Variants in SLC25A13 observed in about 807,000 individuals in gnomAD.
SLC25A13 encodes solute carrier family 25 member 13.
SLC25A13 carries 70 observed loss-of-function variants against 85.5 expected under a neutral mutation model. That is an observed-to-expected ratio of 0.82 (90% CI 0.68 to 1.00). SLC25A13 has a LOEUF of 1.00. Among genes scored for constraint, SLC25A13 ranks in the 50% least tolerant of loss-of-function variants. The probability of loss-of-function intolerance (pLI) is 0.00; values close to 1 mark genes in which losing one functional copy is unlikely to be tolerated. For missense variants in SLC25A13, 765 were observed against 819.8 expected (o/e 0.93, Z 0.82); for synonymous variants, 259 against 288.7 (o/e 0.90, Z 1.04).
chr7:96,273,400 A>T (rs116732236), intron 3 of SLC25A13, among the ~76,000 whole-genome samples: 1,620 of 152,322 alleles, frequency 0.011, 35 homozygotes, highest in African/African-American at 0.037. Context: ...CTGCAAATAT[A>T]CTTGAAAGTT....
At chr7:96,223,672 C>T (rs191272356) in intron 4 of SLC25A13, among the ~76,000 whole-genome samples, 240 of 152,074 alleles carry the variant, frequency 1.6e-3, no homozygotes, top group Non-Finnish European at 2.7e-3. Flanking sequence ...CCTGTAGTCC[C>T]GGCTACCCGG....
chr7:96,120,727 A>G lies in SLC25A13; in HGVS notation c.*464T>C, dbSNP rs1302281066. On this transcript the variant is annotated 3_prime_UTR_variant, in exon 18 of 18. Coordinates refer to ENST00000265631, the MANE Select transcript of SLC25A13 (RefSeq NM_014251.3). ...TACAATTTGAAGCCAGGCTGAATATATTTGATATATATTTTTTCATTTCTC... is the reference window on the plus strand; with the variant it reads ...TACAATTTGAAGCCAGGCTGAATATGTTTGATATATATTTTTTCATTTCTC... The G allele has an allele frequency of 4.4e-6, 2 of 454,140 alleles. No homozygotes were observed. The highest frequency in any genetic ancestry group is 4.0e-5 in the African/African-American group (2 of 49,930). 28.1% of individuals were successfully genotyped at this position (454,140 alleles called of 1,614,324 possible). A position where few individuals can be genotyped will look rare whatever the true frequency, so the allele number is the denominator to read the frequency against.
chr7:96,212,209 A>AC (rs1452892679), intron 4 of SLC25A13, among the ~76,000 whole-genome samples: 2 of 151,968 alleles, frequency 1.3e-5, no homozygotes, highest in African/African-American at 4.8e-5. Flanking sequence ...CAAACACATG[A>AC]CCCTGAGGAT....
intron 13 of SLC25A13, among the ~76,000 whole-genome samples, chr7:96,148,044 G>C (rs1435029595): frequency 6.6e-6 from 1 of 151,828 alleles, no homozygotes; most frequent in Non-Finnish European, 1.5e-5. Flanking sequence ...TTAATGAAAA[G>C]AATCAAAGAA....
At chr7:96,232,144 C>A (rs539866862) in intron 4 of SLC25A13, among the ~76,000 whole-genome samples, 1 of 152,138 alleles carries the variant, frequency 6.6e-6, no homozygotes, top group South Asian at 2.1e-4. Context: ...ATATGTTCAC[C>A]GTAGCACTAT....
rs1272098042 is a variant in SLC25A13 at position 96,120,289 on chromosome 7, G to C, written c.*902C>G. The stretch of plus-strand genomic sequence containing the variant: ...CTCTGACCATTATGCAAGGCAACAT[G>C]AATTAAATACTTATGTCAGAACATA... On this transcript the variant is annotated 3_prime_UTR_variant, in exon 18 of 18. Coordinates refer to ENST00000265631, the MANE Select transcript of SLC25A13 (RefSeq NM_014251.3). 1 of 454,012 alleles carries C rather than the reference G, an allele frequency of 2.2e-6. No individual in the cohort carries two copies. The highest frequency in any genetic ancestry group is 4.4e-6 in the Non-Finnish European group (1 of 226,750). The allele number at this position is 454,012 out of a possible 1,614,324, so 28.1% of individuals were successfully genotyped here.
chr7:96,219,652 CA>C, intron 4 of SLC25A13: 1 of 533,442 alleles, frequency 1.9e-6, no homozygotes. Flanking sequence ...GCCCCACACC[CA>C]AAAATTATGA....
At chr7:96,149,745 G>T (rs1411542457) in intron 13 of SLC25A13, among the ~76,000 whole-genome samples, 1 of 152,032 alleles carries the variant, frequency 6.6e-6, no homozygotes, top group African/African-American at 2.4e-5. Context: ...TCAGATGCAT[G>T]GTGTCTGGGT....
At chr7:96,269,135 T>C (rs1798138935) in intron 3 of SLC25A13, among the ~76,000 whole-genome samples, 1 of 152,180 alleles carries the variant, frequency 6.6e-6, no homozygotes, top group East Asian at 1.9e-4. Flanking sequence ...TTCACCATGT[T>C]ATCCTCAATA....
At chr7:96,148,413 T>C (rs1265455369) in intron 13 of SLC25A13, among the ~76,000 whole-genome samples, 1 of 152,212 alleles carries the variant, frequency 6.6e-6, no homozygotes, top group African/African-American at 2.4e-5. Context: ...GTGAGTGTTT[T>C]GTGAATTTGC....
At chr7:96,298,163 A>G (rs1254382366) in intron 1 of SLC25A13, among the ~76,000 whole-genome samples, 1 of 152,178 alleles carries the variant, frequency 6.6e-6, no homozygotes, top group Admixed American at 6.5e-5. Flanking sequence ...CCACAGGGAA[A>G]CTTATGCAAA....
chr7:96,321,378 G>A (rs1014811642), intron 1 of SLC25A13, among the ~76,000 whole-genome samples: 2 of 152,176 alleles, frequency 1.3e-5, no homozygotes, highest in African/African-American at 4.8e-5. Flanking sequence ...AAGCGGGGAG[G>A]GGGAGAGTCC....
At chr7:96,194,442 C>CAA (rs546248549) in intron 5 of SLC25A13, among the ~76,000 whole-genome samples, 5 of 27,694 alleles carry the variant, frequency 1.8e-4, no homozygotes, top group African/African-American at 4.3e-4. Flanking sequence ...AACCTTGTCT[C>CAA]AAAAAAAAAA....
chr7:96,239,604 T>C (rs1240839768), intron 3 of SLC25A13, among the ~76,000 whole-genome samples: 1 of 152,052 alleles, frequency 6.6e-6, no homozygotes, highest in East Asian at 1.9e-4. Context: ...GACTAGAATC[T>C]AAGGAACAGT....
chr7:96,283,403 G>A (rs2116957580), intron 2 of SLC25A13: 10 of 403,362 alleles, frequency 2.5e-5, no homozygotes, highest in South Asian at 2.1e-4. Flanking sequence ...TATATGTTCT[G>A]TAGGCCTTTT....
intron 5 of SLC25A13, among the ~76,000 whole-genome samples, chr7:96,198,335 A>T (rs928991365): frequency 6.6e-6 from 1 of 152,204 alleles, no homozygotes; most frequent in African/African-American, 2.4e-5. Context: ...GAAAGGTTTA[A>T]AAACCTCTAA....
chr7:96,247,309 T>C (rs1047310141), intron 3 of SLC25A13, among the ~76,000 whole-genome samples: 7 of 152,144 alleles, frequency 4.6e-5, no homozygotes, highest in African/African-American at 1.7e-4. Context: ...CCATCATTTA[T>C]CTAAGCTTAA....
At chr7:96,262,420 G>A (rs1440998199) in intron 3 of SLC25A13, among the ~76,000 whole-genome samples, 1 of 152,080 alleles carries the variant, frequency 6.6e-6, no homozygotes, top group African/African-American at 2.4e-5. Context: ...GCCCAGTAAC[G>A]ATACTTATTC....
Position 96,313,962 on chromosome 7 carries a change from T to C in SLC25A13, c.15+7980A>G, listed in dbSNP as rs1250185024. Among the ~76,000 whole-genome samples, 4 of 152,256 alleles carry C rather than the reference T, an allele frequency of 2.6e-5. 1 individual carries two copies. Among genetic ancestry groups the C allele is most frequent in the South Asian group, 4.1e-4 (2 of 4,822 alleles). ...CTACATTTTTGGCCAAAATTCCTCA[T>C]TGGTAAACTAGTACATTCTGTTTTG... On this transcript the variant is annotated intron_variant, in intron 1 of 17. Coordinates refer to ENST00000265631, the MANE Select transcript of SLC25A13 (RefSeq NM_014251.3).
Sources: allele counts gnomAD v4.1 joint callset (sites outside exome capture counted in the v4.1 genomes callset), GRCh38; gene constraint gnomAD v4.1.1; transcripts MANE v1.5; gene names NCBI Gene and HGNC (gene_info 2026-07-23, HGNC 2026-07-21).